The following MRPL44 variants were observed in gnomAD, a reference collection of about 807,000 sequenced individuals.
MRPL44 encodes mitochondrial ribosomal protein L44, also known as large ribosomal subunit protein mL44.
A neutral mutation model predicts 25.9 loss-of-function variants in MRPL44; 21 were observed. That is an observed-to-expected ratio of 0.81 (90% CI 0.58 to 1.17). The LOEUF is 1.17. Ranked by LOEUF, MRPL44 falls within the 50% of genes most tolerant of loss-of-function variation. MRPL44 has a pLI of 0.00. For missense variants in MRPL44, 410 were observed against 398.9 expected, an observed-to-expected ratio of 1.03 and a Z score of -0.24; for synonymous variants, 169 against 151.0, an observed-to-expected ratio of 1.12 and a Z score of -0.87.
chr2:223,963,000 C>T, intron 2 of MRPL44, among the ~76,000 whole-genome samples: 1 of 152,152 alleles, frequency 6.6e-6, no homozygotes, highest in East Asian at 1.9e-4. Context: ...CCTCACCTGG[C>T]AGAGTTTTTA....
In MRPL44 at chr2:223,959,970, A is replaced by G. The variant is rs1689632305; in HGVS notation, c.616A>G (p.Ser206Gly). The change falls in exon 2 of 4, where the codon AGT becomes GGT. Residue 206 changes from serine (S) to glycine (G), a missense_variant. Coordinates refer to ENST00000258383, the MANE Select transcript of MRPL44 (RefSeq NM_022915.5). ...FAVIGALLQSSGPERTALFIR... is the reference protein window; with the variant it reads ...FAVIGALLQSGGPERTALFIR... ...AGTTATTGGAGCCCTGTTACAGAGC[A>G]GTGGACCTGAGAGGACTGCACTTTT... 1 of 1,613,974 alleles carries G rather than the reference A, an allele frequency of 6.2e-7. No individual in the cohort carries two copies. Among genetic ancestry groups the G allele is most frequent in the Admixed American group, 1.7e-5 (1 of 59,998 alleles).
At chr2:223,959,479 T>C in intron 1 of MRPL44, 55 bp from the exon 2 acceptor site, 1 of 1,326,292 alleles carries the variant, frequency 7.5e-7, no homozygotes, top group Non-Finnish European at 1.0e-6. Flanking sequence ...ACAATTTTTA[T>C]ATCACAGTAA....
At chr2:223,958,228 A>G (rs1689601617) in intron 1 of MRPL44, among the ~76,000 whole-genome samples, 1 of 152,288 alleles carries the variant, frequency 6.6e-6, no homozygotes. Context: ...TGTGTTTGAC[A>G]TGTTGTCATG....
chr2:223,955,977 C>G (rs1016139389), upstream of MRPL44, among the ~76,000 whole-genome samples: 1 of 152,166 alleles, frequency 6.6e-6, no homozygotes, highest in African/African-American at 2.4e-5. Context: ...AAATGATGCT[C>G]TCGTTGTTGT....
the MRPL44 span, among the ~76,000 whole-genome samples, chr2:223,951,313 C>T: frequency 6.6e-6 from 1 of 152,054 alleles, no homozygotes; most frequent in African/African-American, 2.4e-5. Context: ...TTTTTTATAT[C>T]AATGGCTTTT....
At chr2:223,951,267 T>G in the MRPL44 span, among the ~76,000 whole-genome samples, 1 of 152,228 alleles carries the variant, frequency 6.6e-6, no homozygotes, top group Non-Finnish European at 1.5e-5. Context: ...CTCTTGGAAC[T>G]GCTAGACTCT....
intron 1 of MRPL44, among the ~76,000 whole-genome samples, chr2:223,958,323 A>G (rs577012233): frequency 3.9e-5 from 6 of 152,216 alleles, no homozygotes; most frequent in Admixed American, 6.5e-5. Context: ...ATTAAAACCT[A>G]TGTAACAGCG....
intron 3 of MRPL44, 35 bp downstream of exon 3, chr2:223,963,969 G>A (rs917873612): frequency 6.4e-7 from 1 of 1,568,502 alleles, no homozygotes; most frequent in Admixed American, 1.8e-5. Flanking sequence ...TTATAACTTT[G>A]AGGAAATCCT....
rs1689768136 is a variant in MRPL44, at chr2:223,967,712, T to G, written c.*678T>G. ...AATAAAGTTTTTTTTCTCCACATGT[T>G]AACATTGCATTTTAATTTGATATAC... is the stretch of plus-strand genomic sequence containing the variant. On this transcript the variant is annotated 3_prime_UTR_variant, in exon 4 of 4. Coordinates refer to ENST00000258383, the MANE Select transcript of MRPL44 (RefSeq NM_022915.5). 2 of 152,204 alleles carry G rather than the reference T, an allele frequency of 1.3e-5. No individual in the cohort carries two copies. Among genetic ancestry groups the G allele is most frequent in the Admixed American group, 1.3e-4 (2 of 15,286 alleles). The allele number at this position is 152,204 out of a possible 1,614,324, so 9.4% of individuals were successfully genotyped here. A position where few individuals can be genotyped will look rare whatever the true frequency, so the allele number is the denominator to read the frequency against.
At chr2:223,953,194 G>A (rs1006624374), upstream of MRPL44, among the ~76,000 whole-genome samples, 3 of 150,804 alleles carry the variant, frequency 2.0e-5, no homozygotes, top group African/African-American at 7.3e-5. Context: ...GAGTGCAGTG[G>A]TGCTATCTTG....
chr2:223,957,447 C>G (rs778387031), upstream of MRPL44: 2 of 1,613,924 alleles, frequency 1.2e-6, no homozygotes, highest in South Asian at 2.2e-5. Flanking sequence ...ACTTTCGTTC[C>G]GTCTTCCATC....
upstream of MRPL44, among the ~76,000 whole-genome samples, chr2:223,952,735 C>T (rs1404736471): frequency 6.6e-6 from 1 of 152,186 alleles, no homozygotes; most frequent in African/African-American, 2.4e-5. Flanking sequence ...CTCATCCAAC[C>T]ACAGGCAGCC....
intron 1 of MRPL44, among the ~76,000 whole-genome samples, chr2:223,958,983 A>T (rs1025136315): frequency 1.3e-5 from 2 of 152,258 alleles, no homozygotes; most frequent in African/African-American, 4.8e-5. Context: ...GTAAAAATAA[A>T]ATGCAATAAA....
upstream of MRPL44, among the ~76,000 whole-genome samples, chr2:223,956,883 C>T (rs1355812073): frequency 6.6e-6 from 1 of 152,050 alleles, no homozygotes; most frequent in African/African-American, 2.4e-5. Flanking sequence ...ATGTTTTTTT[C>T]CAGTCATTTT....
chr2:223,957,660 C>G lies in MRPL44; in HGVS notation c.179+9C>G, dbSNP rs370122608. On this transcript the variant is annotated intron_variant, in intron 1 of 3. Transcript: ENST00000258383. ...CCGCCGCCCGTGCGCCGGTAGGAGC[C>G]ACCTCGGGAAGAGGTCTCAGGGTGG... 2 of 1,601,580 alleles carry G rather than the reference C, an allele frequency of 1.2e-6. No homozygotes were observed. The highest frequency in any genetic ancestry group is 1.7e-6 in the Non-Finnish European group (2 of 1,178,526).
upstream of MRPL44, among the ~76,000 whole-genome samples, chr2:223,956,120 C>G (rs1689560205): frequency 1.3e-5 from 2 of 152,114 alleles, no homozygotes; most frequent in African/African-American, 4.8e-5. Flanking sequence ...TCTCCTAATC[C>G]ATTTATTGGA....
upstream of MRPL44, among the ~76,000 whole-genome samples, chr2:223,956,721 CTG>C (rs1689569247): frequency 6.6e-6 from 1 of 152,204 alleles, no homozygotes; most frequent in Non-Finnish European, 1.5e-5. Flanking sequence ...CAACTCAAAA[CTG>C]GGAATTCAAA....
rs565339281 is a variant in MRPL44 at position 223,963,655 on chromosome 2, T to C, written c.649-101T>C. ...TTTTAAATTTCTGTTAAAAATGTAC[T>C]CTGTGGCTTCTCTAATTTAAAAAGT... On this transcript the variant is annotated intron_variant, in intron 2 of 3. Coordinates refer to ENST00000258383, the MANE Select transcript of MRPL44 (RefSeq NM_022915.5). 29 of 686,268 alleles carry C rather than the reference T, an allele frequency of 4.2e-5. No homozygotes were observed. In the South Asian group the frequency reaches 1.2e-3, roughly 28 times the overall value. The allele number at this position is 686,268 out of a possible 1,614,324, so 42.5% of individuals were successfully genotyped here. A position where few individuals can be genotyped will look rare whatever the true frequency, so the allele number is the denominator to read the frequency against.
Position 223,959,550 on chromosome 2 carries a change from T to A in MRPL44, c.196T>A (p.Trp66Arg). The A allele has an allele frequency of 6.2e-7, 1 of 1,608,714 alleles. No individual in the cohort carries two copies. Among genetic ancestry groups the A allele is most frequent in the South Asian group, 1.1e-5 (1 of 90,190 alleles). The change falls in exon 2 of 4, where the codon TGG becomes AGG. Residue 66 changes from tryptophan to arginine, a missense_variant. Transcript: ENST00000258383. Reference protein sequence around the residue: ...PPVRRSEKPNWDYHAEIQAFG... With the variant: ...PPVRRSEKPNRDYHAEIQAFG... ...CATTTTCAGTTCAGAGAAGCCGAAC[T>A]GGGATTACCATGCAGAAATACAAGC...
Sources: allele counts gnomAD v4.1 joint callset (sites outside exome capture counted in the v4.1 genomes callset), GRCh38; gene constraint gnomAD v4.1.1; transcripts MANE v1.5; gene names NCBI Gene and HGNC (gene_info 2026-07-23, HGNC 2026-07-21).